ZNRF1: variants seen among roughly 807,000 people sequenced by gnomAD.
ZNRF1 encodes the protein E3 ubiquitin-protein ligase ZNRF1.
A neutral mutation model predicts 18.4 loss-of-function variants in ZNRF1; 3 were observed. That is an observed-to-expected ratio of 0.16 (90% confidence interval 0.07 to 0.42). The LOEUF is 0.42. ZNRF1 is among the 10% of genes least tolerant of loss of function. ZNRF1 has a pLI of 0.99. For synonymous variants in ZNRF1, 157 were observed against 144.2 expected (o/e 1.09, Z -0.64); for missense variants, 310 against 329.8 (o/e 0.94, Z 0.47).
intron 1 of ZNRF1, among the ~76,000 whole-genome samples, chr16:75,032,663 A>G (rs2035321413): frequency 6.6e-6 from 1 of 152,216 alleles, no homozygotes; most frequent in South Asian, 2.1e-4. Context: ...ATAAGGAATT[A>G]GTATATCTAA....
chr16:75,059,171 G>A (rs1221481531), intron 1 of ZNRF1, among the ~76,000 whole-genome samples: 1 of 150,308 alleles, frequency 6.7e-6, no homozygotes, highest in Non-Finnish European at 1.5e-5. Context: ...CAGATATCTT[G>A]GATTTTCTTT....
intron 1 of ZNRF1, among the ~76,000 whole-genome samples, chr16:75,028,028 T>G (rs776547876): frequency 1.3e-5 from 2 of 152,180 alleles, no homozygotes; most frequent in Non-Finnish European, 2.9e-5. Flanking sequence ...TTTCCCCCTT[T>G]CCTGTAACTA....
intron 1 of ZNRF1, among the ~76,000 whole-genome samples, chr16:75,082,392 T>C (rs914357449): frequency 6.6e-6 from 1 of 152,258 alleles, no homozygotes; most frequent in Non-Finnish European, 1.5e-5. Flanking sequence ...GCTGGAATAC[T>C]GTTGCTGAGG....
intron 1 of ZNRF1, among the ~76,000 whole-genome samples, chr16:75,046,201 C>G (rs1398249895): frequency 6.6e-6 from 1 of 151,888 alleles, no homozygotes; most frequent in Non-Finnish European, 1.5e-5. Flanking sequence ...GCCACCGCGC[C>G]CAGCCAAATG....
chr16:75,025,705 A>G (rs1483008341), intron 1 of ZNRF1, among the ~76,000 whole-genome samples: 1 of 152,198 alleles, frequency 6.6e-6, no homozygotes, highest in East Asian at 1.9e-4. Context: ...TCTCTTTCCC[A>G]GCCCTCTGTT....
chr16:75,000,094 T>A lies in ZNRF1; in HGVS notation c.423T>A (p.Ser141Arg). Residue 141 changes from serine to arginine, a missense_variant and splice_region_variant, in exon 1 of 5, where the codon AGT becomes AGA. Transcript: ENST00000335325. ...HIAPRWFSSHSGFKCPICSKS... is the reference protein window; with the variant it reads ...HIAPRWFSSHRGFKCPICSKS... ...CACCCAGGTGGTTCAGCTCGCATAG[T>A]GGTGAGTCCGCGGGTGGTGGAGGCC... The A allele has an allele frequency of 2.5e-6, 4 of 1,599,186 alleles. No individual in the cohort carries two copies. The highest frequency in any genetic ancestry group is 3.4e-6 in the Non-Finnish European group (4 of 1,174,252).
At position 74,999,773 on chromosome 16, in the gene ZNRF1, C is replaced by T. The variant is rs978819159; in HGVS notation, c.102C>T (p.Phe34=). 51 of 1,397,470 alleles carry T rather than the reference C, an allele frequency of 3.6e-5. No homozygotes were observed. The highest frequency in any genetic ancestry group is 4.3e-5 in the Non-Finnish European group (46 of 1,082,208). The allele number at this position is 1,397,470 out of a possible 1,614,324, so 86.6% of individuals were successfully genotyped here. ...AVPPPGGAPH[F]GHYRTGGGAM... is the part of the protein sequence containing the mutation. ...CGCCGCCGGGAGGGGCGCCCCATTTCGGGCACTACCGGACGGGCGGCGGGG... is the reference window on the plus strand; with the variant it reads ...CGCCGCCGGGAGGGGCGCCCCATTTTGGGCACTACCGGACGGGCGGCGGGG... The change falls in exon 1 of 5, where the codon TTC becomes TTT. Residue 34 remains phenylalanine (F), a synonymous_variant. Transcript: ENST00000335325.
At chr16:75,056,978 C>T (rs1011581654) in intron 1 of ZNRF1, among the ~76,000 whole-genome samples, 1 of 152,170 alleles carries the variant, frequency 6.6e-6, no homozygotes, top group Non-Finnish European at 1.5e-5. Flanking sequence ...TCTCCTGATG[C>T]ATTCAGGCCT....
chr16:75,000,450 C>T (rs377535584), intron 1 of ZNRF1: 32 of 437,888 alleles, frequency 7.3e-5, no homozygotes, highest in East Asian at 5.2e-4. Flanking sequence ...CAGCACTGTG[C>T]CTGCCTCACC....
intron 1 of ZNRF1, among the ~76,000 whole-genome samples, chr16:75,081,698 ATGAC>A (rs796260772): frequency 4.6e-5 from 7 of 152,304 alleles, no homozygotes; most frequent in African/African-American, 1.7e-4. Flanking sequence ...GTTCAGTCGA[ATGAC>A]TGGGCATTTC....
intron 1 of ZNRF1, among the ~76,000 whole-genome samples, chr16:75,091,456 T>C (rs1047334493): frequency 5.9e-5 from 9 of 151,806 alleles, no homozygotes; most frequent in African/African-American, 1.9e-4. Flanking sequence ...AAGAGTCCAG[T>C]CTTTACAACA....
chr16:75,047,565 T>C (rs1050994473), intron 1 of ZNRF1, among the ~76,000 whole-genome samples: 4 of 152,380 alleles, frequency 2.6e-5, no homozygotes, highest in African/African-American at 7.2e-5. Flanking sequence ...TGTTTTCTAA[T>C]TGTTATTGGC....
chr16:75,013,991 G>C (rs1021143429), intron 1 of ZNRF1, among the ~76,000 whole-genome samples: 1 of 151,772 alleles, frequency 6.6e-6, no homozygotes, highest in Non-Finnish European at 1.5e-5. Flanking sequence ...CACCACACCC[G>C]ACTAATTTTT....
chr16:75,064,424 C>T (rs1243962062), intron 1 of ZNRF1, among the ~76,000 whole-genome samples: 1 of 151,574 alleles, frequency 6.6e-6, no homozygotes, highest in Non-Finnish European at 1.5e-5. Context: ...GGCGTGGTAG[C>T]AGATGCCTGT....
At chr16:75,008,584 CT>C (rs997701484) in intron 1 of ZNRF1, among the ~76,000 whole-genome samples, 17 of 151,992 alleles carry the variant, frequency 1.1e-4, no homozygotes, top group Non-Finnish European at 1.8e-4. Context: ...AAGTATAAGA[CT>C]TTTTTTTCTT....
chr16:75,031,680 G>A (rs1214379819), intron 1 of ZNRF1, among the ~76,000 whole-genome samples: 2 of 151,722 alleles, frequency 1.3e-5, no homozygotes, highest in Admixed American at 6.6e-5. Context: ...CTAATTTTTT[G>A]TATTTTCCAT....
chr16:75,107,978 T>C lies in ZNRF1; in HGVS notation c.*278T>C, dbSNP rs540127697. 38 of 353,098 alleles carry C rather than the reference T, an allele frequency of 1.1e-4. No homozygotes were observed. Among genetic ancestry groups the C allele is most frequent in the Non-Finnish European group, 2.0e-4 (35 of 176,042 alleles). 21.9% of individuals were successfully genotyped at this position (353,098 alleles called of 1,614,324 possible). ...TTTTCTTTTTCATCTTTGAAAGGCA[T>C]TGTGGGTCTGTCTTTAAAGTGTTTA... is the stretch of plus-strand genomic sequence containing the variant. On this transcript the variant is annotated 3_prime_UTR_variant, in exon 5 of 5. Coordinates refer to ENST00000335325, the MANE Select transcript of ZNRF1 (RefSeq NM_032268.5).
intron 1 of ZNRF1, among the ~76,000 whole-genome samples, chr16:75,071,286 G>T (rs1163998056): frequency 6.6e-6 from 1 of 152,120 alleles, no homozygotes; most frequent in Non-Finnish European, 1.5e-5. Flanking sequence ...TTTTAGTAGA[G>T]ACAGGGTTTC....
chr16:75,014,527 T>C lies in ZNRF1; in HGVS notation c.424+14432T>C, dbSNP rs138203359. ...AGCTATACTCTATTGATCTATTTAT[T>C]GATCTATTGATCTATTCTGTTATCA... On this transcript the variant is annotated intron_variant, in intron 1 of 4. Coordinates refer to ENST00000335325, the MANE Select transcript of ZNRF1 (RefSeq NM_032268.5). Among the ~76,000 whole-genome samples, 1,045 of 152,344 alleles carry C rather than the reference T, an allele frequency of 6.9e-3. 8 individuals carry two copies. The highest frequency in any genetic ancestry group is 0.024 in the African/African-American group (1,013 of 41,584).
Sources: allele counts gnomAD v4.1 joint callset (sites outside exome capture counted in the v4.1 genomes callset), GRCh38; gene constraint gnomAD v4.1.1; transcripts MANE v1.5; gene names NCBI Gene and HGNC (gene_info 2026-07-23, HGNC 2026-07-21).